The following MMP16 variants were observed in gnomAD, a reference collection of about 807,000 sequenced individuals.
MMP16 encodes the protein matrix metalloproteinase-16.
In MMP16, 12 loss-of-function variants were observed where a neutral mutation model predicts 67.8. That is an observed-to-expected ratio of 0.18 (90% CI 0.11 to 0.29). The LOEUF is 0.29. Among genes scored for constraint, MMP16 ranks in the 10% least tolerant of loss-of-function variants. MMP16 has a pLI of 1.00. For synonymous variants in MMP16, 249 were observed against 255.9 expected, an observed-to-expected ratio of 0.97 and a Z score of 0.26; for missense variants, 475 against 765.7, an observed-to-expected ratio of 0.62 and a Z score of 4.48.
intron 1 of MMP16, among the ~76,000 whole-genome samples, chr8:88,209,909 T>C (rs1194647470): frequency 6.6e-6 from 1 of 152,162 alleles, no homozygotes; most frequent in Admixed American, 6.6e-5. Context: ...CATTCATATG[T>C]TGAAATCCTA....
intron 1 of MMP16, among the ~76,000 whole-genome samples, chr8:88,251,805 C>A (rs1403308244): frequency 1.2e-5 from 1 of 83,138 alleles, no homozygotes; most frequent in Admixed American, 1.4e-4. Context: ...AAGAAAAAAA[C>A]AAACAACCCC....
chr8:88,283,147 G>C (rs1360337345), intron 1 of MMP16, among the ~76,000 whole-genome samples: 1 of 152,100 alleles, frequency 6.6e-6, no homozygotes, highest in Non-Finnish European at 1.5e-5. Context: ...TTAATAAACA[G>C]TATAAATTCT....
At chr8:88,238,256 T>C (rs543455476) in intron 1 of MMP16, among the ~76,000 whole-genome samples, 1 of 152,278 alleles carries the variant, frequency 6.6e-6, no homozygotes, top group East Asian at 1.9e-4. Context: ...CTCACGCCTG[T>C]AATCCCAGCA....
At chr8:88,288,912 C>G (rs920004226) in intron 1 of MMP16, among the ~76,000 whole-genome samples, 1 of 152,066 alleles carries the variant, frequency 6.6e-6, no homozygotes, top group Non-Finnish European at 1.5e-5. Context: ...TCTGAGGGAA[C>G]AAAAAAGCAG....
At chr8:88,321,400 A>T (rs1811457883) in intron 1 of MMP16, among the ~76,000 whole-genome samples, 2 of 152,198 alleles carry the variant, frequency 1.3e-5, no homozygotes. Flanking sequence ...TACCACTTGT[A>T]GATGATATTT....
At chr8:88,307,614 T>A (rs1036755574) in intron 1 of MMP16, among the ~76,000 whole-genome samples, 3 of 152,008 alleles carry the variant, frequency 2.0e-5, no homozygotes, top group Admixed American at 6.6e-5. Context: ...AGGTTAATAA[T>A]TGACAACTGA....
At chr8:88,304,765 T>C (rs1811187748) in intron 1 of MMP16, among the ~76,000 whole-genome samples, 1 of 152,202 alleles carries the variant, frequency 6.6e-6, no homozygotes, top group African/African-American at 2.4e-5. Flanking sequence ...TTCATCATCA[T>C]GAGGCCTGCC....
chr8:88,231,260 T>C (rs1021905891), intron 1 of MMP16, among the ~76,000 whole-genome samples: 5 of 152,182 alleles, frequency 3.3e-5, no homozygotes, highest in African/African-American at 7.2e-5. Flanking sequence ...AAAAGGGGTT[T>C]ATCCAACTCA....
At chr8:88,216,766 T>G (rs935469520) in intron 1 of MMP16, among the ~76,000 whole-genome samples, 6 of 152,112 alleles carry the variant, frequency 3.9e-5, no homozygotes, top group African/African-American at 1.4e-4. Context: ...GGCATTTGAT[T>G]TCAGTTTGTC....
chr8:88,222,118 G>C (rs1165038102), intron 1 of MMP16, among the ~76,000 whole-genome samples: 1 of 151,624 alleles, frequency 6.6e-6, no homozygotes, highest in Non-Finnish European at 1.5e-5. Context: ...AATCCAGGCA[G>C]GTGTCTCACT....
At chr8:88,146,478 A>G (rs1166551963) in intron 4 of MMP16, among the ~76,000 whole-genome samples, 1 of 151,928 alleles carries the variant, frequency 6.6e-6, no homozygotes, top group African/African-American at 2.4e-5. Context: ...CTATATCCAC[A>G]TGGAACATAT....
At chr8:88,262,964 G>T (rs1039060708) in intron 1 of MMP16, among the ~76,000 whole-genome samples, 1 of 150,884 alleles carries the variant, frequency 6.6e-6, no homozygotes, top group African/African-American at 2.4e-5. Context: ...GGTGGAGCTT[G>T]CAGTGAGCCG....
chr8:88,073,091 G>A (rs968085478), intron 7 of MMP16, among the ~76,000 whole-genome samples: 1 of 152,082 alleles, frequency 6.6e-6, no homozygotes, highest in Admixed American at 6.6e-5. Context: ...CTCCTGGGAC[G>A]GTCCCCAAGT....
intron 6 of MMP16, among the ~76,000 whole-genome samples, chr8:88,105,788 G>A (rs1480785170): frequency 6.6e-6 from 1 of 151,088 alleles, no homozygotes; most frequent in African/African-American, 2.4e-5. Flanking sequence ...AGACACAGAT[G>A]CATCATTAAA....
chr8:88,167,657 A>T lies in MMP16; in HGVS notation c.709+12T>A, dbSNP rs1808736207. The T allele has an allele frequency of 6.3e-7, 1 of 1,593,102 alleles. No individual in the cohort carries two copies. The highest frequency in any genetic ancestry group is 1.3e-5 in the African/African-American group (1 of 74,178). ...TAGAAATATTTACACTGTAAAACAA[A>T]CATGTACTTACCATCATGATTAGGA... is the stretch of plus-strand genomic sequence containing the variant. On this transcript the variant is annotated intron_variant, in intron 4 of 9. Transcript: ENST00000286614.
chr8:88,084,272 A>G (rs1288997571), intron 6 of MMP16, among the ~76,000 whole-genome samples: 3 of 152,030 alleles, frequency 2.0e-5, no homozygotes, highest in South Asian at 2.1e-4. Flanking sequence ...CACAAAGTCT[A>G]TGATGTACAA....
intron 1 of MMP16, among the ~76,000 whole-genome samples, chr8:88,219,500 C>T (rs576632214): frequency 6.6e-6 from 1 of 152,108 alleles, no homozygotes; most frequent in African/African-American, 2.4e-5. Context: ...TGCATGAGAC[C>T]ATGTCCACTG....
At chr8:88,310,515 A>T (rs555477711) in intron 1 of MMP16, among the ~76,000 whole-genome samples, 2 of 152,266 alleles carry the variant, frequency 1.3e-5, no homozygotes, top group African/African-American at 4.8e-5. Flanking sequence ...TACCAGTTAC[A>T]TTAGAAACTA....
intron 6 of MMP16, among the ~76,000 whole-genome samples, chr8:88,078,408 T>C (rs1288397248): frequency 6.6e-6 from 1 of 152,156 alleles, no homozygotes; most frequent in African/African-American, 2.4e-5. Context: ...ACGGGGAAAT[T>C]CTGTTTATTA....
Sources: allele counts gnomAD v4.1 joint callset (sites outside exome capture counted in the v4.1 genomes callset), GRCh38; gene constraint gnomAD v4.1.1; transcripts MANE v1.5; gene names NCBI Gene and HGNC (gene_info 2026-07-23, HGNC 2026-07-21).